Variants in PRKD1 observed in about 807,000 individuals in gnomAD.
The protein encoded by PRKD1 is serine/threonine-protein kinase D1.
PRKD1 carries 63 observed loss-of-function variants against 95.9 expected under a neutral mutation model. The ratio of observed to expected loss-of-function variants is 0.66; its 90% CI spans 0.54 to 0.81. The LOEUF (loss-of-function observed/expected upper bound fraction) is 0.81. Among genes scored for constraint, PRKD1 ranks in the 30% least tolerant of loss-of-function variants. The probability of loss-of-function intolerance (pLI) is 0.00; values close to 1 mark genes in which losing one functional copy is unlikely to be tolerated. For synonymous variants in PRKD1, 425 were observed against 423.1 expected (o/e 1.00, Z -0.05); for missense variants, 1,048 against 1,165.3 (o/e 0.90, Z 1.47).
intron 1 of PRKD1, among the ~76,000 whole-genome samples, chr14:29,857,059 T>C (rs1277838465): frequency 1.3e-5 from 2 of 152,192 alleles, no homozygotes; most frequent in Non-Finnish European, 2.9e-5. Context: ...GCAAATATCT[T>C]AACCTCTCAC....
intron 1 of PRKD1, among the ~76,000 whole-genome samples, chr14:29,910,765 A>T (rs907852444): frequency 3.9e-5 from 6 of 152,150 alleles, no homozygotes; most frequent in African/African-American, 9.7e-5. Flanking sequence ...CCCTTTCTTG[A>T]AGTGATAGAA....
chr14:29,671,248 G>A (rs1275702963), intron 2 of PRKD1, among the ~76,000 whole-genome samples: 2 of 152,090 alleles, frequency 1.3e-5, no homozygotes, highest in Admixed American at 6.5e-5. Flanking sequence ...AAAAGGGACT[G>A]GTAACTAGAT....
At chr14:29,729,429 T>C (rs1231987331) in intron 1 of PRKD1, among the ~76,000 whole-genome samples, 1 of 152,100 alleles carries the variant, frequency 6.6e-6, no homozygotes, top group Non-Finnish European at 1.5e-5. Flanking sequence ...ATCCATTTCA[T>C]TCAAGTTGTC....
intron 1 of PRKD1, among the ~76,000 whole-genome samples, chr14:29,820,648 T>A (rs1181627794): frequency 6.6e-6 from 1 of 152,140 alleles, no homozygotes; most frequent in African/African-American, 2.4e-5. Flanking sequence ...CAGCATCTCC[T>A]GGGAATATGG....
At chr14:29,697,188 C>A (rs2139315037) in intron 2 of PRKD1, among the ~76,000 whole-genome samples, 1 of 151,094 alleles carries the variant, frequency 6.6e-6, no homozygotes, top group Admixed American at 6.6e-5. Flanking sequence ...CAAACAAACA[C>A]CACCACCACC....
intron 1 of PRKD1, among the ~76,000 whole-genome samples, chr14:29,786,864 C>T (rs1889297405): frequency 6.6e-6 from 1 of 151,688 alleles, no homozygotes; most frequent in Non-Finnish European, 1.5e-5. Context: ...TTCTTTCCTT[C>T]AACTAATTTT....
At chr14:29,844,659 T>A (rs986441011) in intron 1 of PRKD1, among the ~76,000 whole-genome samples, 1 of 152,154 alleles carries the variant, frequency 6.6e-6, no homozygotes, top group Non-Finnish European at 1.5e-5. Flanking sequence ...AAAGCAATTT[T>A]TATCCCCATT....
In PRKD1 at chr14:29,634,365, T is replaced by C; in HGVS notation, c.1314+53A>G. The C allele has an allele frequency of 1.9e-6, 3 of 1,612,606 alleles. No individual in the cohort carries two copies. The African/African-American group carries it at 4.0e-5, about 22-fold the overall frequency. ...ACAGTCCTCACGGGACATTAGCAACTCCTCTAATTAAAGCTAGCAAGGCAA... is the reference window on the plus strand; with the variant it reads ...ACAGTCCTCACGGGACATTAGCAACCCCTCTAATTAAAGCTAGCAAGGCAA... On this transcript the variant is annotated intron_variant, in intron 8 of 17. Coordinates refer to ENST00000331968, the MANE Select transcript of PRKD1 (RefSeq NM_002742.3).
At chr14:29,614,580 A>G (rs989430270) in intron 13 of PRKD1, among the ~76,000 whole-genome samples, 1 of 152,176 alleles carries the variant, frequency 6.6e-6, no homozygotes. Context: ...TATTTATCTT[A>G]CTGAATAATA....
chr14:29,846,600 T>C (rs1447231524), intron 1 of PRKD1, among the ~76,000 whole-genome samples: 1 of 152,096 alleles, frequency 6.6e-6, no homozygotes, highest in Non-Finnish European at 1.5e-5. Context: ...GTGTGTTTGG[T>C]TTCACTGAAA....
At chr14:29,690,140 AAAG>A (rs372978298) in intron 2 of PRKD1, among the ~76,000 whole-genome samples, 2 of 122,988 alleles carry the variant, frequency 1.6e-5, no homozygotes, top group Admixed American at 7.4e-5. Context: ...GAAAAAACAA[AAAG>A]AAGAAGAGAG....
chr14:29,893,749 C>T (rs1321074248), intron 1 of PRKD1, among the ~76,000 whole-genome samples: 1 of 152,166 alleles, frequency 6.6e-6, no homozygotes, highest in African/African-American at 2.4e-5. Flanking sequence ...GACTCCTGGG[C>T]TCCAGTGCTA....
rs1026344449 is a variant in PRKD1, at chr14:29,617,304, A to AGGGATTATAGGTGTGAGCT, written c.1905+6829_1905+6847dup. On this transcript the variant is annotated intron_variant, in intron 13 of 17. Coordinates refer to ENST00000331968, the MANE Select transcript of PRKD1 (RefSeq NM_002742.3). The stretch of plus-strand genomic sequence containing the variant: ...CCTCAACTGATCCTTCCACTTTGAG[A>AGGGATTATAGGTGTGAGCT]GGGATTATAGGTGTGAGCTGGGATT... Among the ~76,000 whole-genome samples the AGGGATTATAGGTGTGAGCT allele has an allele frequency of 5.3e-5, 8 of 152,040 alleles. No homozygotes were observed. The East Asian group carries it at 1.4e-3, about 26-fold the overall frequency.
At chr14:29,802,767 A>C (rs1033107378) in intron 1 of PRKD1, among the ~76,000 whole-genome samples, 5 of 152,198 alleles carry the variant, frequency 3.3e-5, no homozygotes, top group African/African-American at 1.2e-4. Context: ...CCAATTCCTT[A>C]TGTTTCAATT....
intron 8 of PRKD1, among the ~76,000 whole-genome samples, 192 bp from the exon 9 acceptor site, chr14:29,633,138 T>C (rs1880138040): frequency 6.6e-6 from 1 of 152,200 alleles, no homozygotes; most frequent in Admixed American, 6.5e-5. Context: ...GATAAGTATC[T>C]GCATTTATGT....
At chr14:29,720,635 C>A (rs1023843699) in intron 2 of PRKD1, among the ~76,000 whole-genome samples, 15 of 151,832 alleles carry the variant, frequency 9.9e-5, no homozygotes, top group African/African-American at 3.6e-4. Flanking sequence ...CAAAAATTAG[C>A]CGAGCGTGGT....
intron 4 of PRKD1, chr14:29,657,999 G>GA (rs1414271933): frequency 7.2e-5 from 11 of 152,146 alleles, no homozygotes; most frequent in African/African-American, 2.7e-4. Flanking sequence ...GAGTTTCAGG[G>GA]AAAAATTACA....
At chr14:29,779,757 T>C (rs1888955728) in intron 1 of PRKD1, among the ~76,000 whole-genome samples, 1 of 152,146 alleles carries the variant, frequency 6.6e-6, no homozygotes, top group Non-Finnish European at 1.5e-5. Context: ...AAGCTACCAA[T>C]GACTTTCTTC....
chr14:29,687,983 TAA>T (rs201836870), intron 2 of PRKD1, among the ~76,000 whole-genome samples: 1 of 152,046 alleles, frequency 6.6e-6, no homozygotes. Context: ...TGGCTTAAAA[TAA>T]CACACATTTA....
Sources: gnomAD v4.1 joint callset for allele counts (sites outside exome capture counted in the v4.1 genomes callset) on GRCh38, gnomAD v4.1.1 for gene constraint, MANE v1.5 for transcripts, NCBI Gene and HGNC (gene_info 2026-07-23, HGNC 2026-07-21) for gene names.